The following NXPH2 variants were observed in gnomAD, a reference collection of about 807,000 sequenced individuals.
NXPH2 encodes neurexophilin 2.
In NXPH2, 5 loss-of-function variants were observed where a neutral mutation model predicts 19.8. The observed-to-expected ratio is 0.25, with a 90% CI of 0.13 to 0.53. The LOEUF (loss-of-function observed/expected upper bound fraction) is 0.53. Among genes scored for constraint, NXPH2 ranks in the 20% least tolerant of loss-of-function variants. The pLI is 0.96. For missense variants in NXPH2, 289 were observed against 322.8 expected (o/e 0.90, Z 0.80); for synonymous variants, 154 against 127.4 (o/e 1.21, Z -1.41).
intron 1 of NXPH2, among the ~76,000 whole-genome samples, chr2:138,734,389 G>C (rs1388331391): frequency 6.6e-6 from 1 of 152,180 alleles, no homozygotes. Flanking sequence ...GGGATACAAA[G>C]ATAAATAAAG....
At chr2:138,696,287 G>T (rs1680827933) in intron 1 of NXPH2, among the ~76,000 whole-genome samples, 1 of 151,966 alleles carries the variant, frequency 6.6e-6, no homozygotes, top group African/African-American at 2.4e-5. Flanking sequence ...ATAACTCAAT[G>T]GAATAGAATA....
intron 1 of NXPH2, among the ~76,000 whole-genome samples, chr2:138,738,284 TATATAGCTCATGGAGGTATACTG>T (rs1681584721): frequency 6.6e-6 from 1 of 152,222 alleles, no homozygotes; most frequent in Non-Finnish European, 1.5e-5. Context: ...ATGGGAATAA[TATATAGCTCATGGAGGTATACTG>T]GTAATTAAAT....
intron 1 of NXPH2, among the ~76,000 whole-genome samples, chr2:138,723,168 G>T (rs558468158): frequency 2.0e-5 from 3 of 152,170 alleles, no homozygotes; most frequent in Non-Finnish European, 4.4e-5. Flanking sequence ...AGACAAGCAA[G>T]CAAGCAAGCA....
At chr2:138,686,557 A>T (rs12989845) in intron 1 of NXPH2, among the ~76,000 whole-genome samples, 94 of 134,634 alleles carry the variant, frequency 7.0e-4, no homozygotes, top group Non-Finnish European at 1.3e-3. Flanking sequence ...ATTTTATTTT[A>T]TTTTTTTATT....
At chr2:138,681,582 G>A (rs1303394007) in intron 1 of NXPH2, among the ~76,000 whole-genome samples, 1 of 152,158 alleles carries the variant, frequency 6.6e-6, no homozygotes, top group African/African-American at 2.4e-5. Context: ...TATCAAAGAA[G>A]AAAATTTTGA....
At chr2:138,702,550 G>T (rs1680943927) in intron 1 of NXPH2, among the ~76,000 whole-genome samples, 1 of 152,080 alleles carries the variant, frequency 6.6e-6, no homozygotes, top group African/African-American at 2.4e-5. Flanking sequence ...AACTACAAAA[G>T]ATTCAAAATT....
chr2:138,680,920 C>T (rs1354643663), intron 1 of NXPH2, among the ~76,000 whole-genome samples: 3 of 152,108 alleles, frequency 2.0e-5, no homozygotes, highest in Non-Finnish European at 2.9e-5. Flanking sequence ...CAGTGAAAGG[C>T]TAACTTGGTG....
At chr2:138,698,657 T>A (rs115146427) in intron 1 of NXPH2, among the ~76,000 whole-genome samples, 3,175 of 152,022 alleles carry the variant, frequency 0.021, 50 homozygotes, top group Non-Finnish European at 0.033. Context: ...GAGTTCAAGG[T>A]CAACCTGGGC....
intron 1 of NXPH2, among the ~76,000 whole-genome samples, chr2:138,732,332 C>T (rs1245045180): frequency 6.6e-6 from 1 of 152,174 alleles, no homozygotes; most frequent in Admixed American, 6.5e-5. Flanking sequence ...CTCCTGGTAA[C>T]TGGTCACACA....
intron 1 of NXPH2, among the ~76,000 whole-genome samples, chr2:138,775,179 C>A (rs1682242094): frequency 6.6e-6 from 1 of 152,010 alleles, no homozygotes; most frequent in African/African-American, 2.4e-5. Flanking sequence ...AGCATTTGGG[C>A]TTAAATAATG....
rs531803513 is a variant in NXPH2 at position 138,714,194 on chromosome 2, G to A, written c.52-42529C>T. 2.6e-5 allele frequency among the ~76,000 whole-genome samples: 4 copies of A among 152,230 alleles called. No homozygotes were observed. In the South Asian group the frequency reaches 6.2e-4, roughly 24 times the overall value. Reference sequence around the variant, plus strand: ...TTTCTAACTCTGCTTCTCTCTTGCTGTAGGTATGTGCGTACATAGGGGCAG... The same window carrying A: ...TTTCTAACTCTGCTTCTCTCTTGCTATAGGTATGTGCGTACATAGGGGCAG... On this transcript the variant is annotated intron_variant, in intron 1 of 1. Transcript: ENST00000272641.
intron 1 of NXPH2, among the ~76,000 whole-genome samples, chr2:138,746,423 C>G (rs573668821): frequency 2.0e-5 from 3 of 147,544 alleles, no homozygotes; most frequent in Admixed American, 2.0e-4. Context: ...CTGGCCAAAG[C>G]TTTCCATGCT....
intron 1 of NXPH2, among the ~76,000 whole-genome samples, chr2:138,707,802 C>G (rs146342012): frequency 6.6e-6 from 1 of 152,152 alleles, no homozygotes; most frequent in African/African-American, 2.4e-5. Flanking sequence ...ACTTTCTTCT[C>G]TGTGGATTTG....
chr2:138,719,936 A>G (rs1437419682), intron 1 of NXPH2, among the ~76,000 whole-genome samples: 1 of 152,190 alleles, frequency 6.6e-6, no homozygotes, highest in Non-Finnish European at 1.5e-5. Context: ...TTATAAAAAA[A>G]TTATTACATT....
At chr2:138,692,206 A>C (rs1399197847) in intron 1 of NXPH2, among the ~76,000 whole-genome samples, 1 of 152,176 alleles carries the variant, frequency 6.6e-6, no homozygotes, top group Non-Finnish European at 1.5e-5. Context: ...CCACGATTTC[A>C]TGGTTCCTGT....
intron 1 of NXPH2, among the ~76,000 whole-genome samples, chr2:138,776,373 A>T (rs931405659): frequency 6.6e-6 from 1 of 152,194 alleles, no homozygotes; most frequent in East Asian, 1.9e-4. Context: ...AAACTAAACA[A>T]TAAAATAATT....
chr2:138,679,691 C>T (rs535202906), intron 1 of NXPH2, among the ~76,000 whole-genome samples: 1 of 152,106 alleles, frequency 6.6e-6, no homozygotes, highest in African/African-American at 2.4e-5. Flanking sequence ...TGAGCCACTG[C>T]GCCGGGCCGA....
At chr2:138,742,638 C>G (rs910973142) in intron 1 of NXPH2, among the ~76,000 whole-genome samples, 1 of 152,168 alleles carries the variant, frequency 6.6e-6, no homozygotes. Flanking sequence ...AATGAATGAG[C>G]AAGTAAGTCT....
At chr2:138,744,318 T>C (rs1380488960) in intron 1 of NXPH2, among the ~76,000 whole-genome samples, 1 of 152,142 alleles carries the variant, frequency 6.6e-6, no homozygotes, top group East Asian at 1.9e-4. Flanking sequence ...TCATAATGGA[T>C]ATGTTTTCCG....
Sources: gnomAD v4.1 joint callset for allele counts (sites outside exome capture counted in the v4.1 genomes callset) on GRCh38, gnomAD v4.1.1 for gene constraint, MANE v1.5 for transcripts, NCBI Gene and HGNC (gene_info 2026-07-23, HGNC 2026-07-21) for gene names.